Variants in RAP1A observed in about 807,000 individuals in gnomAD.
RAP1A encodes ras-related protein Rap-1A.
RAP1A carries 6 observed loss-of-function variants against 26.4 expected under a neutral mutation model. The ratio of observed to expected loss-of-function variants is 0.23; its 90% confidence interval spans 0.12 to 0.45. RAP1A has a LOEUF of 0.45. Ranked by LOEUF, RAP1A falls within the 20% of genes least tolerant of loss-of-function variation. The pLI is 0.99. For missense variants in RAP1A, 121 were observed against 217.2 expected (o/e 0.56, Z 2.78); for synonymous variants, 73 against 79.4 (o/e 0.92, Z 0.43).
chr1:111,640,850 GA>G (rs1285470978), intron 1 of RAP1A, among the ~76,000 whole-genome samples: 1 of 152,112 alleles, frequency 6.6e-6, no homozygotes, highest in Non-Finnish European at 1.5e-5. Context: ...TATAATCCCA[GA>G]TACTCAGAAG....
chr1:111,565,451 A>G (rs1407378832), intron 1 of RAP1A, among the ~76,000 whole-genome samples: 1 of 152,210 alleles, frequency 6.6e-6, no homozygotes, highest in Admixed American at 6.5e-5. Context: ...GCAGACAGCT[A>G]TATCACAGTG....
intron 1 of RAP1A, among the ~76,000 whole-genome samples, chr1:111,683,852 C>G (rs1661381817): frequency 6.6e-6 from 1 of 152,060 alleles, no homozygotes. Context: ...GGCAGAGACA[C>G]AACAAAAAAG....
intron 4 of RAP1A, among the ~76,000 whole-genome samples, chr1:111,701,163 T>C (rs1662009862): frequency 6.6e-6 from 1 of 152,234 alleles, no homozygotes; most frequent in East Asian, 1.9e-4. Context: ...TCCTCTCTCT[T>C]TGTCCCTTCT....
chr1:111,603,103 G>A (rs1043263886), intron 1 of RAP1A, among the ~76,000 whole-genome samples: 3 of 152,212 alleles, frequency 2.0e-5, no homozygotes, highest in Non-Finnish European at 4.4e-5. Flanking sequence ...AACTGCCAGA[G>A]GGCTTTCCTG....
chr1:111,558,546 C>T (rs1490383211), intron 1 of RAP1A, among the ~76,000 whole-genome samples: 1 of 152,070 alleles, frequency 6.6e-6, no homozygotes, highest in Non-Finnish European at 1.5e-5. Context: ...AAGGTGAACA[C>T]TCAGAACAAA....
At chr1:111,542,464 T>G (rs1571450711) in exon 1 of RAP1A, 1 of 197,278 alleles carries the variant, frequency 5.1e-6, no homozygotes, top group Non-Finnish European at 1.1e-5. Flanking sequence ...GAGGGCCGTG[T>G]AGGAGTTGGA....
chr1:111,649,427 ATC>A (rs1660188877), intron 1 of RAP1A: 2 of 353,732 alleles, frequency 5.7e-6, no homozygotes, highest in Non-Finnish European at 1.1e-5. Flanking sequence ...GGACACGGAG[ATC>A]TGGGAACCAG....
intron 1 of RAP1A, among the ~76,000 whole-genome samples, chr1:111,652,481 G>GTT (rs951160995): frequency 2.0e-5 from 3 of 146,680 alleles, no homozygotes; most frequent in Non-Finnish European, 4.5e-5. Flanking sequence ...TTTTTAAAGA[G>GTT]TTTTTTTTTT....
At chr1:111,551,836 G>A (rs558160988) in intron 1 of RAP1A, among the ~76,000 whole-genome samples, 5 of 151,554 alleles carry the variant, frequency 3.3e-5, no homozygotes, top group South Asian at 2.1e-4. Context: ...GCACTCAGCC[G>A]AGCGGTTTAC....
At chr1:111,711,859 T>C (rs1212481962) in intron 7 of RAP1A, among the ~76,000 whole-genome samples, 13 of 152,174 alleles carry the variant, frequency 8.5e-5, no homozygotes, top group Non-Finnish European at 2.9e-5. Context: ...ATTCATCATG[T>C]GGATTATTTT....
chr1:111,582,882 C>T (rs147010676), intron 1 of RAP1A, among the ~76,000 whole-genome samples: 1 of 152,316 alleles, frequency 6.6e-6, no homozygotes, highest in East Asian at 1.9e-4. Flanking sequence ...GGGATTACTC[C>T]CACCTAGGCC....
intron 1 of RAP1A, among the ~76,000 whole-genome samples, chr1:111,686,837 G>GA (rs1178882141): frequency 1.3e-5 from 2 of 151,332 alleles, no homozygotes; most frequent in South Asian, 2.1e-4. Context: ...CTTATAGAAA[G>GA]AAAAAATATT....
intron 1 of RAP1A, among the ~76,000 whole-genome samples, chr1:111,578,182 T>C (rs953688819): frequency 5.9e-5 from 9 of 152,204 alleles, no homozygotes; most frequent in Non-Finnish European, 4.4e-5. Context: ...AGAGTGTGTG[T>C]GTTGTGTGTG....
intron 1 of RAP1A, among the ~76,000 whole-genome samples, chr1:111,579,914 C>T (rs1194693598): frequency 3.9e-5 from 6 of 151,916 alleles, no homozygotes; most frequent in South Asian, 4.2e-4. Flanking sequence ...CTCAGCCTCC[C>T]GAGTAGCTGG....
rs138661611 is a variant in RAP1A, at chr1:111,651,281, A to G, written c.-28+31347A>G. Among the ~76,000 whole-genome samples, 20 of 152,232 alleles carry G rather than the reference A, an allele frequency of 1.3e-4. No individual in the cohort carries two copies. The East Asian group carries it at 2.5e-3, about 19-fold the overall frequency. The stretch of plus-strand genomic sequence containing the variant: ...GGGATTTAGAAATACTTGATTCAGA[A>G]GTATGTCTTTAAGTTAATTGATTAT... On this transcript the variant is annotated intron_variant, in intron 1 of 7. Coordinates refer to ENST00000369709, the MANE Select transcript of RAP1A (RefSeq NM_002884.4).
intron 1 of RAP1A, among the ~76,000 whole-genome samples, chr1:111,678,500 G>A (rs1205540127): frequency 5.3e-5 from 8 of 152,120 alleles, no homozygotes; most frequent in African/African-American, 1.9e-4. Context: ...ACCACAGAGT[G>A]TACTTACACA....
rs146266794 is a variant in RAP1A at position 111,603,202 on chromosome 1, G to A, written c.-28+60693G>A. Among the ~76,000 whole-genome samples the A allele has an allele frequency of 5.6e-4, 86 of 152,348 alleles. 1 individual carries two copies. Among genetic ancestry groups the A allele is most frequent in the African/African-American group, 1.7e-3 (72 of 41,582 alleles). On this transcript the variant is annotated intron_variant, in intron 1 of 7. Coordinates refer to the RAP1A transcript ENST00000356415. Reference sequence around the variant, plus strand: ...AGTGCTGACACTGGAAAGTACCAGTGCTGAATCAAAAAGCCACTTCCCAGA... The same window carrying A: ...AGTGCTGACACTGGAAAGTACCAGTACTGAATCAAAAAGCCACTTCCCAGA...
At chr1:111,604,879 C>T (rs748582182) in intron 1 of RAP1A, among the ~76,000 whole-genome samples, 6 of 152,184 alleles carry the variant, frequency 3.9e-5, no homozygotes, top group African/African-American at 1.2e-4. Context: ...TTATATGATT[C>T]GGCCACCACT....
At chr1:111,556,790 C>A (rs1657507963) in intron 1 of RAP1A, among the ~76,000 whole-genome samples, 1 of 151,960 alleles carries the variant, frequency 6.6e-6, no homozygotes. Context: ...CTCTGGGAAG[C>A]TTTTTAAAAA....
Sources: allele counts gnomAD v4.1 joint callset (sites outside exome capture counted in the v4.1 genomes callset), GRCh38; gene constraint gnomAD v4.1.1; transcripts MANE v1.5; gene names NCBI Gene and HGNC (gene_info 2026-07-23, HGNC 2026-07-21).